Variants in PLXDC2 observed in about 807,000 individuals in gnomAD.
PLXDC2 encodes the protein plexin domain containing 2.
PLXDC2 carries 40 observed loss-of-function variants against 68.9 expected under a neutral mutation model. The observed-to-expected ratio is 0.58, with a 90% CI of 0.45 to 0.76. The LOEUF (loss-of-function observed/expected upper bound fraction) is 0.76, where lower values mean the gene tolerates loss of function less well. Among genes scored for constraint, PLXDC2 ranks in the 30% least tolerant of loss-of-function variants. The pLI, the probability that PLXDC2 is intolerant of heterozygous loss-of-function variation, is 0.00. For synonymous variants in PLXDC2, 243 were observed against 234.2 expected (o/e 1.04, Z -0.34); for missense variants, 644 against 661.9 (o/e 0.97, Z 0.30).
At position 20,044,196 on chromosome 10, in the gene PLXDC2, T is replaced by C. The variant is rs1485914417; in HGVS notation, c.325-2673T>C. Among the ~76,000 whole-genome samples, 52 of 137,996 alleles carry C rather than the reference T, an allele frequency of 3.8e-4. 2 individuals carry two copies. Among genetic ancestry groups the C allele is most frequent in the African/African-American group, 1.3e-3 (44 of 32,622 alleles). The allele number at this position is 137,996 out of a possible 152,430, so 90.5% of individuals were successfully genotyped here. A position where few individuals can be genotyped will look rare whatever the true frequency, so the allele number is the denominator to read the frequency against. ...TTCTTTCCTTCTTTCTTTCTTTCTC[T>C]CTCTCTCTCTCTCTGTCTTTCTTTC... On this transcript the variant is annotated intron_variant, in intron 2 of 13. Coordinates refer to ENST00000377252, the MANE Select transcript of PLXDC2 (RefSeq NM_032812.9).
intron 1 of PLXDC2, among the ~76,000 whole-genome samples, chr10:19,858,667 C>T (rs192948773): frequency 1.3e-5 from 2 of 152,046 alleles, no homozygotes; most frequent in East Asian, 1.9e-4. Flanking sequence ...AGGGGAGAGT[C>T]TGGGAGAAGA....
intron 12 of PLXDC2, among the ~76,000 whole-genome samples, chr10:20,229,461 C>T (rs568940348): frequency 3.6e-5 from 5 of 137,372 alleles, no homozygotes; most frequent in Non-Finnish European, 7.6e-5. Context: ...ATTTTGTTCA[C>T]GTGTGCTTGA....
In PLXDC2 at chr10:20,036,884, G is replaced by C. The variant is rs573470434; in HGVS notation, c.325-9985G>C. On this transcript the variant is annotated intron_variant, in intron 2 of 13. Transcript: ENST00000377252. Reference sequence around the variant, plus strand: ...GGGCCAATCTACAATTTATCAACAAGGATGATTATGTAACAATGCAATTGA... The same window carrying C: ...GGGCCAATCTACAATTTATCAACAACGATGATTATGTAACAATGCAATTGA... 3.1e-4 allele frequency among the ~76,000 whole-genome samples: 47 copies of C among 152,264 alleles called. 1 individual carries two copies. The South Asian group carries it at 8.3e-3, about 27-fold the overall frequency.
At chr10:20,171,702 G>T (rs1203619924) in intron 7 of PLXDC2, among the ~76,000 whole-genome samples, 1 of 151,916 alleles carries the variant, frequency 6.6e-6, no homozygotes, top group Non-Finnish European at 1.5e-5. Context: ...TTATGAACAG[G>T]GAAGGCTTTC....
intron 13 of PLXDC2, among the ~76,000 whole-genome samples, chr10:20,257,533 G>A (rs1440539923): frequency 6.6e-6 from 1 of 152,188 alleles, no homozygotes; most frequent in Non-Finnish European, 1.5e-5. Flanking sequence ...TACAGGAAAT[G>A]ACCACAGCCC....
At chr10:20,121,193 A>C (rs1411111253) in intron 4 of PLXDC2, among the ~76,000 whole-genome samples, 1 of 152,188 alleles carries the variant, frequency 6.6e-6, no homozygotes, top group Non-Finnish European at 1.5e-5. Flanking sequence ...GTAGAGAGTA[A>C]GTTGAGCATA....
Position 20,217,505 on chromosome 10 carries a change from C to G in PLXDC2, c.1202C>G (p.Thr401Ser), listed in dbSNP as rs773465620. 1 of 1,612,898 alleles carries G rather than the reference C, an allele frequency of 6.2e-7. No homozygotes were observed. The highest frequency in any genetic ancestry group is 1.7e-5 in the Admixed American group (1 of 59,960). ...RTTTTVGATT[T>S]QFRVLTTTRR... is the part of the protein sequence containing the mutation. ...ACCACAACCGTAGGAGCGACAACCA[C>G]CCAGTTCAGGGTCCTAACTACCACC... The change falls in exon 11 of 14, where the codon ACC (threonine) becomes AGC (serine). Residue 401 changes from threonine (T) to serine (S), a missense_variant. By Grantham distance (58) the Thr-to-Ser change is moderately conservative. Coordinates refer to ENST00000377252, the MANE Select transcript of PLXDC2 (RefSeq NM_032812.9).
intron 1 of PLXDC2, among the ~76,000 whole-genome samples, chr10:19,910,497 A>G (rs1833247795): frequency 6.6e-6 from 1 of 151,784 alleles, no homozygotes; most frequent in Non-Finnish European, 1.5e-5. Flanking sequence ...CTGTGAAATA[A>G]TAAAGGACTG....
chr10:19,968,396 T>C (rs1834299627), intron 1 of PLXDC2, among the ~76,000 whole-genome samples: 1 of 152,168 alleles, frequency 6.6e-6, no homozygotes, highest in Non-Finnish European at 1.5e-5. Flanking sequence ...CCCTGCAACC[T>C]CCGCCTCCCA....
intron 9 of PLXDC2, among the ~76,000 whole-genome samples, chr10:20,203,673 G>C (rs1324865440): frequency 1.3e-5 from 2 of 151,744 alleles, no homozygotes; most frequent in African/African-American, 4.8e-5. Context: ...CCCTGATGTT[G>C]TTATGCTTTG....
chr10:19,903,072 T>C (rs1393006222), intron 1 of PLXDC2, among the ~76,000 whole-genome samples: 2 of 152,200 alleles, frequency 1.3e-5, no homozygotes, highest in Non-Finnish European at 2.9e-5. Flanking sequence ...GGGATTGAGT[T>C]AGCTAATATT....
intron 4 of PLXDC2, among the ~76,000 whole-genome samples, chr10:20,099,400 T>C (rs1317596373): frequency 6.6e-6 from 1 of 152,224 alleles, no homozygotes; most frequent in Admixed American, 6.5e-5. Flanking sequence ...AATATCTGCC[T>C]GATGGCCCAT....
intron 1 of PLXDC2, among the ~76,000 whole-genome samples, chr10:19,951,270 T>G (rs1589552894): frequency 6.6e-6 from 1 of 152,188 alleles, no homozygotes; most frequent in East Asian, 1.9e-4. Flanking sequence ...TCCAAAAATC[T>G]ATAAGAAACT....
At position 19,829,596 on chromosome 10, in the gene PLXDC2, G is replaced by GC. The variant is rs377073645; in HGVS notation, c.112+12406dup. ...TACAAAAAATTAGCCAGACGTGGTGGCGGGCACCTGTAGTCCCAGCTACTC... is the reference window on the plus strand; with the variant it reads ...TACAAAAAATTAGCCAGACGTGGTGGCCGGGCACCTGTAGTCCCAGCTACTC... On this transcript the variant is annotated intron_variant, in intron 1 of 13. Coordinates refer to ENST00000377252, the MANE Select transcript of PLXDC2 (RefSeq NM_032812.9). 9.8e-3 allele frequency among the ~76,000 whole-genome samples: 1,498 copies of GC among 152,172 alleles called. 30 individuals are homozygous for GC. The highest frequency in any genetic ancestry group is 0.033 in the African/African-American group (1,387 of 41,528).
chr10:19,992,890 T>G (rs1274888053), intron 1 of PLXDC2, among the ~76,000 whole-genome samples: 1 of 152,198 alleles, frequency 6.6e-6, no homozygotes, highest in Non-Finnish European at 1.5e-5. Context: ...CTCCTTTGAT[T>G]GTTTTCTTGT....
intron 1 of PLXDC2, among the ~76,000 whole-genome samples, chr10:19,977,206 C>T (rs1323896557): frequency 6.6e-6 from 1 of 152,176 alleles, no homozygotes; most frequent in Non-Finnish European, 1.5e-5. Context: ...TGGATCCAAC[C>T]AGGTCTTTTT....
intron 1 of PLXDC2, among the ~76,000 whole-genome samples, chr10:19,881,982 G>A (rs1264746913): frequency 6.6e-6 from 1 of 152,140 alleles, no homozygotes; most frequent in Non-Finnish European, 1.5e-5. Flanking sequence ...ATCTTACGTT[G>A]TTAGATATTT....
At chr10:20,162,044 G>GAA (rs1263873843) in intron 6 of PLXDC2, among the ~76,000 whole-genome samples, 9 of 37,428 alleles carry the variant, frequency 2.4e-4, no homozygotes, top group Admixed American at 1.4e-3. Context: ...AAGAAAGAAA[G>GAA]AGAGAGAGAG....
intron 9 of PLXDC2, among the ~76,000 whole-genome samples, chr10:20,178,974 T>C (rs543605952): frequency 8.2e-4 from 125 of 152,258 alleles, no homozygotes; most frequent in African/African-American, 2.7e-3. Context: ...TATATTGATA[T>C]TTTACTAAGT....
Sources: gnomAD v4.1 joint callset for allele counts (sites outside exome capture counted in the v4.1 genomes callset) on GRCh38, gnomAD v4.1.1 for gene constraint, MANE v1.5 for transcripts, NCBI Gene and HGNC (gene_info 2026-07-23, HGNC 2026-07-21) for gene names.